Variants in TLN1 observed in about 807,000 individuals in gnomAD.
TLN1 encodes talin-1.
A neutral mutation model predicts 292.3 loss-of-function variants in TLN1; 56 were observed. That is an observed-to-expected ratio of 0.19 (90% CI 0.15 to 0.24). The LOEUF (loss-of-function observed/expected upper bound fraction) is 0.24. Ranked by LOEUF, TLN1 falls within the 10% of genes least tolerant of loss-of-function variation. The pLI, the probability that TLN1 is intolerant of heterozygous loss-of-function variation, is 1.00. For synonymous variants in TLN1, 1,119 were observed against 1,253.7 expected, an observed-to-expected ratio of 0.89 and a Z score of 2.27; for missense variants, 2,433 against 3,248.2, an observed-to-expected ratio of 0.75 and a Z score of 6.10.
chr9:35,703,561 G>A lies in TLN1; in HGVS notation c.6473C>T (p.Ala2158Val), dbSNP rs1422769328. The A allele has an allele frequency of 6.8e-6, 11 of 1,613,812 alleles. No individual in the cohort carries two copies. Among genetic ancestry groups the A allele is most frequent in the Admixed American group, 3.3e-5 (2 of 59,994 alleles). The change falls in exon 48 of 57, where the codon GCG becomes GTG. Residue 2158 changes from alanine to valine, a missense_variant and splice_region_variant. Physicochemically the swap from Ala to Val is moderately conservative, Grantham distance 64 (BLOSUM62 0). Coordinates refer to ENST00000314888, the MANE Select transcript of TLN1 (RefSeq NM_006289.4). Reference sequence around the variant, plus strand: ...CTGATGCCCCAGACTCTCACTCACCGCCAGCTCCTGCCGTATGTGTTCTGT... The same window carrying A: ...CTGATGCCCCAGACTCTCACTCACCACCAGCTCCTGCCGTATGTGTTCTGT... ...ATTEHIRQELAVFCSPEPPAK... is the reference protein window; with the variant it reads ...ATTEHIRQELVVFCSPEPPAK...
chr9:35,703,673 T>A lies in TLN1; in HGVS notation c.6361A>T (p.Met2121Leu). The A allele has an allele frequency of 6.2e-6, 10 of 1,614,202 alleles. No individual in the cohort carries two copies. Among genetic ancestry groups the A allele is most frequent in the East Asian group, 2.2e-5 (1 of 44,886 alleles). The change falls in exon 48 of 57, where the codon ATG becomes TTG. Residue 2121 changes from methionine to leucine, a missense_variant. By Grantham distance (15) the Met-to-Leu change is conservative. Around this residue, in one of 7 missense-constraint regions of TLN1, gnomAD observed 1,384 missense variants for 1,699.6 expected, o/e 0.81. Coordinates refer to ENST00000314888, the MANE Select transcript of TLN1 (RefSeq NM_006289.4). ...AGCAATGATGTCACATTGGTCACCA[T>A]CACCTGGAGGTATCAGAGGAGTGAA... ...VWQLKNSAKV[M>L]VTNVTSLLKT... is the part of the protein sequence containing the mutation.
Position 35,714,580 on chromosome 9 carries a change from G to A in TLN1, c.2979C>T (p.Phe993=), listed in dbSNP as rs1825743866. Residue 993 remains phenylalanine (F), a synonymous_variant, in exon 23 of 57, where the codon TTC becomes TTT. Coordinates refer to ENST00000314888, the MANE Select transcript of TLN1 (RefSeq NM_006289.4). This position sits in a 1 kb window ranked among gnomAD's most constrained non-coding sequence, Gnocchi z 4.6. ...TGCAGAGGGGGTGCCTTGCCTGCAG[G>A]AAGCTCTGGCTGGCAGCAATGAGGG... is the stretch of plus-strand genomic sequence containing the variant. ...QLALIAASQS[F]LQPGGKMVAA... The A allele has an allele frequency of 6.2e-7, 1 of 1,610,230 alleles. No homozygotes were observed. The highest frequency in any genetic ancestry group is 1.3e-5 in the African/African-American group (1 of 74,944).
At chr9:35,729,792 G>C (rs541723595) in intron 1 of TLN1, among the ~76,000 whole-genome samples, 102 of 152,256 alleles carry the variant, frequency 6.7e-4, no homozygotes, top group African/African-American at 2.2e-3. Flanking sequence ...CGACGAATTG[G>C]GAAGAGGGGA....
In TLN1 at chr9:35,722,150, T is replaced by C. The variant is rs1236664537; in HGVS notation, c.917A>G (p.Lys306Arg). 7 of 1,614,200 alleles carry C rather than the reference T, an allele frequency of 4.3e-6. No individual in the cohort carries two copies. The highest frequency in any genetic ancestry group is 5.9e-6 in the Non-Finnish European group (7 of 1,180,020). The change falls in exon 9 of 57, where the codon AAG becomes AGG. Residue 306 changes from lysine (K) to arginine (R), a missense_variant. Around this residue, in one of 7 missense-constraint regions of TLN1, gnomAD observed 57 missense variants for 136.5 expected, o/e 0.42. Transcript: ENST00000314888. ...CAGGAAGAAGGAGACACCGTAAGTCTTGAGAGAACGGGCTAGCTTCACGTA... is the reference window on the plus strand; with the variant it reads ...CAGGAAGAAGGAGACACCGTAAGTCCTGAGAGAACGGGCTAGCTTCACGTA... ...VRYVKLARSL[K>R]TYGVSFFLVK... is the part of the protein sequence containing the mutation.
chr9:35,729,885 A>G (rs1277416700), intron 1 of TLN1, among the ~76,000 whole-genome samples: 4 of 152,180 alleles, frequency 2.6e-5, no homozygotes, highest in African/African-American at 7.2e-5. Flanking sequence ...GGGTATGAGT[A>G]TATGATTAGT....
At chr9:35,715,909 A>G (rs534484808) in intron 20 of TLN1, among the ~76,000 whole-genome samples, 1 of 152,314 alleles carries the variant, frequency 6.6e-6, no homozygotes, top group African/African-American at 2.4e-5. Context: ...ATAGTTCCAA[A>G]TAGCTAGGGG....
intron 17 of TLN1, among the ~76,000 whole-genome samples, chr9:35,718,367 C>T (rs751144960): frequency 2.2e-4 from 34 of 152,152 alleles, no homozygotes; most frequent in Non-Finnish European, 4.0e-4. Context: ...GTAGGGGAAT[C>T]GGGGGGAGAT....
At chr9:35,713,884 A>T in intron 25 of TLN1, 69 bp downstream of exon 25, 1 of 1,534,272 alleles carries the variant, frequency 6.5e-7, no homozygotes, top group Non-Finnish European at 8.9e-7. Context: ...GGTTTTGAGC[A>T]GCTCTGGGGC....
At chr9:35,712,680 C>T (rs1324829259) in intron 27 of TLN1, among the ~76,000 whole-genome samples, 155 bp downstream of exon 27, 4 of 146,014 alleles carry the variant, frequency 2.7e-5, no homozygotes, top group African/African-American at 1.0e-4. Flanking sequence ...ACTAAGAGAA[C>T]ATAAGGGTGG....
chr9:35,726,981 C>T (rs889337260), intron 1 of TLN1, among the ~76,000 whole-genome samples: 2 of 152,212 alleles, frequency 1.3e-5, no homozygotes, highest in African/African-American at 4.8e-5. Flanking sequence ...CTGTCTCACC[C>T]ACTTCCCCTG....
In TLN1 at chr9:35,707,779, T is replaced by G. The variant is rs762546618; in HGVS notation, c.4584A>C (p.Ser1528=). 1 of 1,614,138 alleles carries G rather than the reference T, an allele frequency of 6.2e-7. No homozygotes were observed. Among genetic ancestry groups the G allele is most frequent in the Non-Finnish European group, 8.5e-7 (1 of 1,180,016 alleles). ...CTGTGCTGTTGGCCACCTCCTTGGC[T>G]GACTGTACAAACTGGCGCTTGGCAG... ...NPTAKRQFVQ[S]AKEVANSTAN... The change falls in exon 35 of 57, where the codon TCA becomes TCC. Residue 1528 remains serine (S), a synonymous_variant. Transcript: ENST00000314888. This position sits in a 1 kb window ranked among gnomAD's most constrained non-coding sequence, Gnocchi z 5.6.
At position 35,714,156 on chromosome 9, in the gene TLN1, T is replaced by C. The variant is rs1825734495; in HGVS notation, c.3121-75A>G. On this transcript the variant is annotated intron_variant, in intron 24 of 56. Transcript: ENST00000314888. The surrounding 1 kb of genome is among the most constrained non-coding windows in gnomAD (Gnocchi z 4.6). Reference sequence around the variant, plus strand: ...CAATGCCTCTGATTACACAATTATCTGCGTATTGGGTTATTCTGCACAGAT... The same window carrying C: ...CAATGCCTCTGATTACACAATTATCCGCGTATTGGGTTATTCTGCACAGAT... 4 of 1,603,380 alleles carry C rather than the reference T, an allele frequency of 2.5e-6. No homozygotes were observed. Among genetic ancestry groups the C allele is most frequent in the Non-Finnish European group, 3.4e-6 (4 of 1,171,892 alleles).
Position 35,706,914 on chromosome 9 carries a change from A to G in TLN1, c.4956-14T>C. ...GGAGCCTTGTCCCTGCAGACACATCATGGGCTCCAACACCAAGAACATCCC... is the reference window on the plus strand; with the variant it reads ...GGAGCCTTGTCCCTGCAGACACATCGTGGGCTCCAACACCAAGAACATCCC... On this transcript the variant is annotated splice_polypyrimidine_tract_variant and intron_variant, in intron 37 of 56. Transcript: ENST00000314888. This position sits in a 1 kb window ranked among gnomAD's most constrained non-coding sequence, Gnocchi z 4.2. The G allele has an allele frequency of 6.2e-7, 1 of 1,613,288 alleles. No individual in the cohort carries two copies. Among genetic ancestry groups the G allele is most frequent in the Non-Finnish European group, 8.5e-7 (1 of 1,179,796 alleles).
chr9:35,721,051 T>C, intron 10 of TLN1, 138 bp from the exon 11 acceptor site: 1 of 609,866 alleles, frequency 1.6e-6, no homozygotes, highest in Non-Finnish European at 2.9e-6. Context: ...CCCACCTTTC[T>C]TGAACCTCCT....
chr9:35,715,455 C>T (rs143550650), intron 20 of TLN1, among the ~76,000 whole-genome samples: 5 of 152,200 alleles, frequency 3.3e-5, no homozygotes, highest in South Asian at 2.1e-4. Context: ...GAATACCACA[C>T]GAGTGAGGTG....
Position 35,707,269 on chromosome 9 carries a change from G to A in TLN1, c.4774-16C>T. 2.5e-6 allele frequency: 4 copies of A among 1,603,362 alleles called. No homozygotes were observed. Among genetic ancestry groups the A allele is most frequent in the Non-Finnish European group, 3.4e-6 (4 of 1,172,372 alleles). On this transcript the variant is annotated splice_polypyrimidine_tract_variant and intron_variant, in intron 36 of 56. Coordinates refer to ENST00000314888, the MANE Select transcript of TLN1 (RefSeq NM_006289.4). The surrounding 1 kb of genome is among the most constrained non-coding windows in gnomAD (Gnocchi z 5.6). ...CAGCCCGACCCTGGGGAGAGGGGAG[G>A]CAGGAAGGTAAGTCTCAGGAGTCCC...
At position 35,707,201 on chromosome 9, in the gene TLN1, C is replaced by G; in HGVS notation, c.4826G>C (p.Ser1609Thr). The stretch of plus-strand genomic sequence containing the variant: ...GGCTGTCTGGATGAGTCCCCCGGCA[C>G]TCTCTAACATTGTCTTGGCAGAGAT... Reference protein sequence around the residue: ...IVISAKTMLESAGGLIQTARA... With the variant: ...IVISAKTMLETAGGLIQTARA... Residue 1609 changes from serine to threonine, a missense_variant, in exon 37 of 57, where the codon AGT becomes ACT. This residue lies in a region of TLN1 where 1,384 missense variants were observed against 1,699.6 expected (regional missense o/e 0.81). Transcript: ENST00000314888. This position sits in a 1 kb window ranked among gnomAD's most constrained non-coding sequence, Gnocchi z 5.6. The G allele has an allele frequency of 6.2e-7, 1 of 1,608,180 alleles. No individual in the cohort carries two copies. The highest frequency in any genetic ancestry group is 8.5e-7 in the Non-Finnish European group (1 of 1,177,952).
chr9:35,704,406 G>T lies in TLN1; in HGVS notation c.5973C>A (p.Asp1991Glu). 6.2e-7 allele frequency: 1 copy of T among 1,614,248 alleles called. No individual in the cohort carries two copies. The change falls in exon 45 of 57, where the codon GAC becomes GAA. Residue 1991 changes from aspartate (D) to glutamate (E), a missense_variant. By Grantham distance (45) the Asp-to-Glu change is conservative (BLOSUM62 2). Around this residue, in one of 7 missense-constraint regions of TLN1, gnomAD observed 1,384 missense variants for 1,699.6 expected, o/e 0.81. Coordinates refer to ENST00000314888, the MANE Select transcript of TLN1 (RefSeq NM_006289.4). This position sits in a 1 kb window ranked among gnomAD's most constrained non-coding sequence, Gnocchi z 6.9. The stretch of plus-strand genomic sequence containing the variant: ...TGGCGAACATGATGGTGGTGTCGAG[G>T]TCAGCAATGATACCAGACACAGCGC... ...AASAVSGIIADLDTTIMFATA... is the reference protein window; with the variant it reads ...AASAVSGIIAELDTTIMFATA...
chr9:35,732,107 G>GCCCGCCGCCCCGCCGGCCCGCCGC lies in TLN1; in HGVS notation c.-67_-66insGCGGCGGGCCGGCGGGGCGGCGGG, dbSNP rs1826092655. On this transcript the variant is annotated 5_prime_UTR_variant, in exon 1 of 57. Transcript: ENST00000314888. This position sits in a 1 kb window ranked among gnomAD's most constrained non-coding sequence, Gnocchi z 5.1. Reference sequence around the variant, plus strand: ...GCCTGGCTCTGCGCCCCGCCCGCCGGCCCGCCGCCCCGCCGCTTCTCGGGT... The same window carrying GCCCGCCGCCCCGCCGGCCCGCCGC: ...GCCTGGCTCTGCGCCCCGCCCGCCGGCCCGCCGCCCCGCCGGCCCGCCGCCCCGCCGCCCCGCCGCTTCTCGGGT... The GCCCGCCGCCCCGCCGGCCCGCCGC allele has an allele frequency of 1.3e-5, 2 of 153,234 alleles. No individual in the cohort carries two copies. Among genetic ancestry groups the GCCCGCCGCCCCGCCGGCCCGCCGC allele is most frequent in the African/African-American group, 4.9e-5 (2 of 41,208 alleles). The allele number at this position is 153,234 out of a possible 1,614,324, so 9.5% of individuals were successfully genotyped here. A position where few individuals can be genotyped will look rare whatever the true frequency, so the allele number is the denominator to read the frequency against.
Sources: gnomAD v4.1 joint callset for allele counts (sites outside exome capture counted in the v4.1 genomes callset) on GRCh38, gnomAD v4.1.1 for gene constraint, gnomAD v4.1.1 regional missense constraint, Gnocchi (gnomAD v3.1) non-coding constraint, MANE v1.5 for transcripts, NCBI Gene and HGNC (gene_info 2026-07-23, HGNC 2026-07-21) for gene names.